DMXL2: variants seen among roughly 807,000 people sequenced by gnomAD.
DMXL2 encodes the protein Dmx like 2, also known as dmX-like protein 2.
A neutral mutation model predicts 331.1 loss-of-function variants in DMXL2; 103 were observed. That is an observed-to-expected ratio of 0.31 (90% CI 0.27 to 0.37). The LOEUF (loss-of-function observed/expected upper bound fraction) is 0.37, where lower values mean the gene tolerates loss of function less well. DMXL2 is among the 10% of genes least tolerant of loss of function. The probability of loss-of-function intolerance (pLI) is 1.00; values close to 1 mark genes in which losing one functional copy is unlikely to be tolerated. For synonymous variants in DMXL2, 1,281 were observed against 1,252.1 expected, an observed-to-expected ratio of 1.02 and a Z score of -0.49; for missense variants, 3,171 against 3,642.9, an observed-to-expected ratio of 0.87 and a Z score of 3.33.
chr15:51,491,266 C>T (rs1388503530), intron 20 of DMXL2, among the ~76,000 whole-genome samples: 1 of 152,140 alleles, frequency 6.6e-6, no homozygotes, highest in Non-Finnish European at 1.5e-5. Context: ...CATGGTGAAA[C>T]CCTGTCTCTA....
Position 51,499,385 on chromosome 15 carries a change from A to C in DMXL2, c.3839T>G (p.Phe1280Cys), listed in dbSNP as rs780784673. 28 of 1,613,792 alleles carry C rather than the reference A, an allele frequency of 1.7e-5. No individual in the cohort carries two copies. Among genetic ancestry groups the C allele is most frequent in the Non-Finnish European group, 2.2e-5 (26 of 1,180,006 alleles). Reference sequence around the variant, plus strand: ...AGAACTATCAGCTTCAGTGTCTCCAAATTTGACAGCATGCTTCCACTGTGC... The same window carrying C: ...AGAACTATCAGCTTCAGTGTCTCCACATTTGACAGCATGCTTCCACTGTGC... ...VYAQWKHAVK[F>C]GDTEADSSNA... The change falls in exon 18 of 44, where the codon TTT (phenylalanine) becomes TGT (cysteine). Residue 1280 changes from phenylalanine to cysteine, a missense_variant. Physicochemically the swap from Phe to Cys is radical, Grantham distance 205. Transcript: ENST00000560891.
chr15:51,474,403 A>G lies in DMXL2; in HGVS notation c.7154T>C (p.Val2385Ala). The change falls in exon 28 of 44, where the codon GTT becomes GCT. Residue 2385 changes from valine (V) to alanine (A), a missense_variant. Transcript: ENST00000560891. ...AACAAGTTTTACACCGCCTCCAAAAACAGCAGCCCACATTCGATTATTTAA... is the reference window on the plus strand; with the variant it reads ...AACAAGTTTTACACCGCCTCCAAAAGCAGCAGCCCACATTCGATTATTTAA... Reference protein sequence around the residue: ...HPLNNRMWAAVFGGGVKLVVK... With the variant: ...HPLNNRMWAAAFGGGVKLVVK... The G allele has an allele frequency of 6.2e-7, 1 of 1,613,734 alleles. No homozygotes were observed. The highest frequency in any genetic ancestry group is 8.5e-7 in the Non-Finnish European group (1 of 1,179,714).
At chr15:51,595,945 T>G (rs1001411501) in intron 1 of DMXL2, among the ~76,000 whole-genome samples, 1 of 152,060 alleles carries the variant, frequency 6.6e-6, no homozygotes, top group African/African-American at 2.4e-5. Flanking sequence ...ACTTAAATGT[T>G]AGACCTAAAA....
rs558256873 is a variant in DMXL2, at chr15:51,590,617, T to C, written c.88-14436A>G. 6.6e-5 allele frequency among the ~76,000 whole-genome samples: 10 copies of C among 152,268 alleles called. No homozygotes were observed. The South Asian group carries it at 1.9e-3, about 28-fold the overall frequency. On this transcript the variant is annotated intron_variant, in intron 1 of 43. Coordinates refer to ENST00000560891, the MANE Select transcript of DMXL2 (RefSeq NM_001378457.1). ...CTCAATATGTTAGTTGGACTCAAAC[T>C]CCTAGGCTCAGGTGATCCTCCCACC...
intron 1 of DMXL2, among the ~76,000 whole-genome samples, chr15:51,614,803 G>A (rs2054189966): frequency 6.6e-6 from 1 of 152,156 alleles, no homozygotes; most frequent in Non-Finnish European, 1.5e-5. Flanking sequence ...AAAAAGCCAC[G>A]TGAAAGTCTG....
intron 18 of DMXL2, among the ~76,000 whole-genome samples, chr15:51,495,756 A>C (rs1054390782): frequency 6.6e-6 from 1 of 152,190 alleles, no homozygotes; most frequent in Non-Finnish European, 1.5e-5. Flanking sequence ...GCTGGATAAA[A>C]GCAAAGCAAA....
chr15:51,548,473 G>A (rs1158747433), intron 6 of DMXL2, among the ~76,000 whole-genome samples: 1 of 152,014 alleles, frequency 6.6e-6, no homozygotes, highest in Non-Finnish European at 1.5e-5. Context: ...ACTTAACAAT[G>A]TACTAGTTGC....
chr15:51,597,600 A>T lies in DMXL2; in HGVS notation c.88-21419T>A, dbSNP rs143524065. Among the ~76,000 whole-genome samples the T allele has an allele frequency of 1.4e-4, 21 of 152,354 alleles. No individual in the cohort carries two copies. In the East Asian group the frequency reaches 4.0e-3, roughly 29 times the overall value. On this transcript the variant is annotated intron_variant, in intron 1 of 43. Coordinates refer to ENST00000560891, the MANE Select transcript of DMXL2 (RefSeq NM_001378457.1). Reference sequence around the variant, plus strand: ...CCTATTACATACAATGCTGCTATGAACATTCTTGTAGGGAAATCTCGCATA... The same window carrying T: ...CCTATTACATACAATGCTGCTATGATCATTCTTGTAGGGAAATCTCGCATA...
chr15:51,580,461 C>A (rs1171634890), intron 1 of DMXL2, among the ~76,000 whole-genome samples: 1 of 152,134 alleles, frequency 6.6e-6, no homozygotes, highest in Non-Finnish European at 1.5e-5. Context: ...GGACTGCAAG[C>A]CTTTTCTGGA....
chr15:51,489,367 T>C (rs2140423396), intron 20 of DMXL2, among the ~76,000 whole-genome samples: 1 of 152,218 alleles, frequency 6.6e-6, no homozygotes, highest in East Asian at 1.9e-4. Context: ...GAAAATGCTT[T>C]ACTCTCGGGC....
chr15:51,448,958 T>G lies in DMXL2; in HGVS notation c.*26A>C. 6.2e-7 allele frequency: 1 copy of G among 1,607,682 alleles called. No individual in the cohort carries two copies. The highest frequency in any genetic ancestry group is 8.5e-7 in the Non-Finnish European group (1 of 1,175,572). On this transcript the variant is annotated 3_prime_UTR_variant, in exon 44 of 44. Transcript: ENST00000560891. Reference sequence around the variant, plus strand: ...ACTGTAGTGTGCCTTTTAACTGAAATGTATATAAAAATAAAACCCCAATCT... The same window carrying G: ...ACTGTAGTGTGCCTTTTAACTGAAAGGTATATAAAAATAAAACCCCAATCT...
intron 1 of DMXL2, among the ~76,000 whole-genome samples, chr15:51,603,315 CA>C: frequency 6.6e-6 from 1 of 152,088 alleles, no homozygotes; most frequent in East Asian, 1.9e-4. Context: ...CGAAATGCCA[CA>C]AACAACTCTA....
At position 51,486,172 on chromosome 15, in the gene DMXL2, G is replaced by A. The variant is rs2042382676; in HGVS notation, c.5383C>T (p.Pro1795Ser). The change falls in exon 23 of 44, where the codon CCT becomes TCT. Residue 1795 changes from proline (P) to serine (S), a missense_variant. Coordinates refer to ENST00000560891, the MANE Select transcript of DMXL2 (RefSeq NM_001378457.1). ...GFSCKRLHPD[P>S]FLRSLAYWVM... is the part of the protein sequence containing the mutation. ...CAATAGGCAAGACTACGCAGGAAAG[G>A]ATCAGGATGTAATCTTTTGCAACTG... The A allele has an allele frequency of 6.2e-7, 1 of 1,614,078 alleles. No individual in the cohort carries two copies.
chr15:51,618,393 A>G (rs1156667692), intron 1 of DMXL2, among the ~76,000 whole-genome samples: 1 of 150,984 alleles, frequency 6.6e-6, no homozygotes, highest in African/African-American at 2.4e-5. Context: ...CTGGTTGATC[A>G]TTTTCAAGGT....
chr15:51,620,723 C>G (rs1168901095), intron 1 of DMXL2, among the ~76,000 whole-genome samples: 1 of 152,120 alleles, frequency 6.6e-6, no homozygotes, highest in Non-Finnish European at 1.5e-5. Context: ...AGGAGTAAAT[C>G]TGGTAGACAG....
At chr15:51,558,909 T>A (rs2049775878) in intron 6 of DMXL2, among the ~76,000 whole-genome samples, 1 of 152,256 alleles carries the variant, frequency 6.6e-6, no homozygotes, top group African/African-American at 2.4e-5. Context: ...TTTTTTAATA[T>A]CTTGAAGCTG....
At position 51,476,658 on chromosome 15, in the gene DMXL2, G is replaced by A. The variant is rs1265380798; in HGVS notation, c.6895C>T (p.Arg2299Cys). 3 of 1,611,116 alleles carry A rather than the reference G, an allele frequency of 1.9e-6. No homozygotes were observed. The highest frequency in any genetic ancestry group is 1.1e-5 in the South Asian group (1 of 90,408). ...MAYQGLLLSD[R>C]RRLRTESIEE... ...ATGCTTTCTGTCCTTAGTCTTCTACGATCACTTAAAAGAAGTCCTTGATAA... is the reference window on the plus strand; with the variant it reads ...ATGCTTTCTGTCCTTAGTCTTCTACAATCACTTAAAAGAAGTCCTTGATAA... The change falls in exon 27 of 44, where the codon CGT (arginine) becomes TGT (cysteine). Residue 2299 changes from arginine to cysteine, a missense_variant. Transcript: ENST00000560891.
intron 13 of DMXL2, among the ~76,000 whole-genome samples, chr15:51,517,974 T>C (rs886666514): frequency 1.3e-5 from 2 of 152,206 alleles, no homozygotes; most frequent in Non-Finnish European, 2.9e-5. Context: ...TAGGGCTGAA[T>C]TTACTGATAT....
At chr15:51,476,500 C>G (rs2041592924) in intron 27 of DMXL2, 89 bp downstream of exon 27, 2 of 1,458,970 alleles carry the variant, frequency 1.4e-6, no homozygotes, top group Non-Finnish European at 1.9e-6. Flanking sequence ...CTCACTAAAT[C>G]CAGCAACAAG....
Sources: allele counts gnomAD v4.1 joint callset (sites outside exome capture counted in the v4.1 genomes callset), GRCh38; gene constraint gnomAD v4.1.1; transcripts MANE v1.5; gene names NCBI Gene and HGNC (gene_info 2026-07-23, HGNC 2026-07-21).